SYNPO2: variants seen among roughly 807,000 people sequenced by gnomAD.
SYNPO2 encodes synaptopodin-2.
A neutral mutation model predicts 85.0 loss-of-function variants in SYNPO2; 56 were observed. That is an observed-to-expected ratio of 0.66 (90% CI 0.53 to 0.82). The LOEUF (loss-of-function observed/expected upper bound fraction) is 0.82, where lower values mean the gene tolerates loss of function less well. Among genes scored for constraint, SYNPO2 ranks in the 40% least tolerant of loss-of-function variants. The pLI, the probability that SYNPO2 is intolerant of heterozygous loss-of-function variation, is 0.00. For missense variants in SYNPO2, 1,575 were observed against 1,534.2 expected (o/e 1.03, Z -0.44); for synonymous variants, 602 against 591.1 (o/e 1.02, Z -0.27).
chr4:118,949,418 C>T (rs1326067520), intron 1 of SYNPO2, among the ~76,000 whole-genome samples: 1 of 152,012 alleles, frequency 6.6e-6, no homozygotes, highest in Non-Finnish European at 1.5e-5. Context: ...AATGCTCTTG[C>T]AGGTATTGGT....
chr4:118,923,314 G>A (rs1262377513), intron 1 of SYNPO2, among the ~76,000 whole-genome samples: 1 of 152,062 alleles, frequency 6.6e-6, no homozygotes, highest in Non-Finnish European at 1.5e-5. Context: ...AATATCATAT[G>A]TTCCCACTTA....
At chr4:118,938,565 G>A (rs1358520593) in intron 1 of SYNPO2, among the ~76,000 whole-genome samples, 1 of 152,120 alleles carries the variant, frequency 6.6e-6, no homozygotes, top group Non-Finnish European at 1.5e-5. Flanking sequence ...ATTCTAAGAA[G>A]TTATTGTTAT....
At chr4:118,969,400 G>T (rs930534502) in intron 1 of SYNPO2, among the ~76,000 whole-genome samples, 1 of 80,268 alleles carries the variant, frequency 1.2e-5, no homozygotes, top group African/African-American at 3.9e-5. Flanking sequence ...AATGGAAAAT[G>T]TATTTGTAAA....
chr4:119,056,953 G>T (rs1739226368), intron 4 of SYNPO2, among the ~76,000 whole-genome samples: 1 of 152,188 alleles, frequency 6.6e-6, no homozygotes, highest in African/African-American at 2.4e-5. Flanking sequence ...TGTTTCTGAG[G>T]TTATCAATAG....
At chr4:118,891,544 G>A (rs532013869) in intron 1 of SYNPO2, among the ~76,000 whole-genome samples, 1 of 152,234 alleles carries the variant, frequency 6.6e-6, no homozygotes, top group East Asian at 1.9e-4. Flanking sequence ...AAATCCCTTG[G>A]AACAAAGCGC....
Position 119,058,532 on chromosome 4 carries a change from T to G in SYNPO2, c.*598T>G, listed in dbSNP as rs1220032938. 1 of 131,352 alleles carries G rather than the reference T, an allele frequency of 7.6e-6. No homozygotes were observed. The highest frequency in any genetic ancestry group is 2.7e-5 in the African/African-American group (1 of 36,518). The allele number at this position is 131,352 out of a possible 1,614,324, so 8.1% of individuals were successfully genotyped here. A position where few individuals can be genotyped will look rare whatever the true frequency, so the allele number is the denominator to read the frequency against. ...CTGTCCCACCCAGTCTGGAGTGCAA[T>G]GGTGCGATCTTGGCTCACTGCAACC... On this transcript the variant is annotated 3_prime_UTR_variant, in exon 5 of 5. Transcript: ENST00000307142.
upstream of SYNPO2, among the ~76,000 whole-genome samples, chr4:118,885,551 C>A (rs1215955842): frequency 2.7e-5 from 4 of 150,880 alleles, no homozygotes; most frequent in Non-Finnish European, 5.9e-5. Context: ...CGGCTCACTG[C>A]AACCTCTGCC....
chr4:118,905,444 G>C (rs1044801330), intron 1 of SYNPO2, among the ~76,000 whole-genome samples: 25 of 24,354 alleles, frequency 1.0e-3, no homozygotes, highest in Non-Finnish European at 2.9e-3. Context: ...GTGTGTGTGC[G>C]TGTGTGTGTG....
intron 1 of SYNPO2, among the ~76,000 whole-genome samples, chr4:119,005,690 A>C (rs1022540078): frequency 6.6e-6 from 1 of 152,228 alleles, no homozygotes; most frequent in South Asian, 2.1e-4. Context: ...CTTTTGGCTT[A>C]GGATTGACTT....
chr4:118,896,768 T>G (rs1181773862), intron 1 of SYNPO2, among the ~76,000 whole-genome samples: 1 of 152,208 alleles, frequency 6.6e-6, no homozygotes, highest in Non-Finnish European at 1.5e-5. Context: ...ATAAATCTGG[T>G]GTGTTTCAGA....
chr4:118,930,767 A>T (rs2149132963), intron 1 of SYNPO2, among the ~76,000 whole-genome samples: 1 of 151,508 alleles, frequency 6.6e-6, no homozygotes, highest in Admixed American at 6.6e-5. Flanking sequence ...AAAAAAAAAA[A>T]AAATTAGCCA....
intron 1 of SYNPO2, among the ~76,000 whole-genome samples, chr4:118,883,065 T>G (rs973751062): frequency 9.2e-5 from 14 of 151,572 alleles, no homozygotes; most frequent in African/African-American, 2.9e-4. Context: ...CCCGCCTGTT[T>G]TTTTTTTTTT....
At chr4:118,906,076 G>A (rs189895566) in intron 1 of SYNPO2, among the ~76,000 whole-genome samples, 2 of 152,230 alleles carry the variant, frequency 1.3e-5, no homozygotes, top group Non-Finnish European at 2.9e-5. Flanking sequence ...CACATAACAT[G>A]TATAACTAGA....
At chr4:118,983,724 A>G (rs1736115737) in intron 1 of SYNPO2, among the ~76,000 whole-genome samples, 1 of 152,170 alleles carries the variant, frequency 6.6e-6, no homozygotes, top group South Asian at 2.1e-4. Flanking sequence ...ATAGAATCCT[A>G]CAACTTTAAC....
intron 1 of SYNPO2, among the ~76,000 whole-genome samples, chr4:118,999,873 A>G (rs1398497950): frequency 6.6e-6 from 1 of 152,182 alleles, no homozygotes; most frequent in Non-Finnish European, 1.5e-5. Flanking sequence ...GGTACTTTTT[A>G]AAGGTTTTGA....
intron 4 of SYNPO2, among the ~76,000 whole-genome samples, chr4:119,039,811 CT>C (rs140791331): frequency 1.3e-5 from 2 of 151,984 alleles, no homozygotes; most frequent in African/African-American, 2.4e-5. Context: ...GAAGACAAGA[CT>C]TTTTTTTAAT....
In SYNPO2 at chr4:119,031,631, G is replaced by A; in HGVS notation, c.2856G>A (p.Lys952=). 6.2e-7 allele frequency: 1 copy of A among 1,614,104 alleles called. No individual in the cohort carries two copies. The highest frequency in any genetic ancestry group is 8.5e-7 in the Non-Finnish European group (1 of 1,180,014). The change falls in exon 4 of 5, where the codon AAG becomes AAA. Residue 952 remains lysine, a synonymous_variant. Transcript: ENST00000307142. ...PSAAQPSKMG[K]KKGKKPLNAL... is the part of the protein sequence containing the mutation. ...CTGCACAGCCCTCCAAAATGGGCAA[G>A]AAAAAGGGAAAGAAACCCCTCAATG...
At chr4:118,982,539 T>C (rs1257235330) in intron 1 of SYNPO2, among the ~76,000 whole-genome samples, 1 of 152,208 alleles carries the variant, frequency 6.6e-6, no homozygotes, top group Non-Finnish European at 1.5e-5. Context: ...TATGCCCCTC[T>C]GTACTTGGAG....
intron 1 of SYNPO2, among the ~76,000 whole-genome samples, chr4:118,948,017 G>A (rs1734563302): frequency 6.6e-6 from 1 of 152,090 alleles, no homozygotes; most frequent in South Asian, 2.1e-4. Context: ...TGGTCCAAAA[G>A]GAAACTTTTT....
Sources: gnomAD v4.1 joint callset for allele counts (sites outside exome capture counted in the v4.1 genomes callset) on GRCh38, gnomAD v4.1.1 for gene constraint, MANE v1.5 for transcripts, NCBI Gene and HGNC (gene_info 2026-07-23, HGNC 2026-07-21) for gene names.